Variants in CLYBL observed in about 807,000 individuals in gnomAD.
CLYBL encodes citramalyl-CoA lyase, mitochondrial.
CLYBL carries 31 observed loss-of-function variants against 38.9 expected under a neutral mutation model. That is an observed-to-expected ratio of 0.80 (90% CI 0.60 to 1.08). The LOEUF (loss-of-function observed/expected upper bound fraction) is 1.08. Among genes scored for constraint, CLYBL ranks in the 50% least tolerant of loss-of-function variants. The probability of loss-of-function intolerance (pLI) is 0.00; values close to 1 mark genes in which losing one functional copy is unlikely to be tolerated. For synonymous variants in CLYBL, 171 were observed against 158.6 expected (o/e 1.08, Z -0.59); for missense variants, 434 against 411.6 (o/e 1.05, Z -0.47).
At chr13:99,825,726 T>C (rs1410132639) in intron 2 of CLYBL, among the ~76,000 whole-genome samples, 1 of 152,138 alleles carries the variant, frequency 6.6e-6, no homozygotes, top group African/African-American at 2.4e-5. Context: ...TCTGAGAATG[T>C]GGTGAGGGAG....
At chr13:99,657,893 G>A (rs1014664343) in intron 1 of CLYBL, among the ~76,000 whole-genome samples, 2 of 152,192 alleles carry the variant, frequency 1.3e-5, no homozygotes, top group Non-Finnish European at 2.9e-5. Flanking sequence ...CTTTTCCCAG[G>A]AACAGAAGCC....
intron 1 of CLYBL, among the ~76,000 whole-genome samples, chr13:99,654,788 G>A (rs555902252): frequency 1.1e-4 from 16 of 152,218 alleles, no homozygotes; most frequent in Admixed American, 2.0e-4. Flanking sequence ...GGCTGATCAC[G>A]AGGTCAGGAG....
chr13:99,720,269 T>C (rs1423615487), intron 1 of CLYBL, among the ~76,000 whole-genome samples: 4 of 152,224 alleles, frequency 2.6e-5, no homozygotes, highest in Non-Finnish European at 4.4e-5. Context: ...TCTGCTCTCC[T>C]TCTGATCAAA....
At chr13:99,685,982 CAT>C (rs2047811717) in intron 1 of CLYBL, among the ~76,000 whole-genome samples, 1 of 152,036 alleles carries the variant, frequency 6.6e-6, no homozygotes, top group African/African-American at 2.4e-5. Context: ...AAAAGAATCT[CAT>C]AGACATTTTT....
intron 1 of CLYBL, among the ~76,000 whole-genome samples, chr13:99,637,837 C>G (rs1473573024): frequency 2.0e-5 from 3 of 152,064 alleles, no homozygotes; most frequent in African/African-American, 7.2e-5. Flanking sequence ...TATCCGTATA[C>G]ATACATCCAT....
chr13:99,890,072 C>T (rs905285209), intron 7 of CLYBL, among the ~76,000 whole-genome samples: 1 of 152,184 alleles, frequency 6.6e-6, no homozygotes, highest in African/African-American at 2.4e-5. Flanking sequence ...CACAAATAAC[C>T]AGACATTAAC....
At chr13:99,628,852 T>G (rs2046904664) in intron 1 of CLYBL, among the ~76,000 whole-genome samples, 1 of 152,240 alleles carries the variant, frequency 6.6e-6, no homozygotes, top group South Asian at 2.1e-4. Context: ...ATTGTTATTT[T>G]CTGTTTCTGC....
intron 1 of CLYBL, among the ~76,000 whole-genome samples, chr13:99,616,972 G>GTAATAATAATAATAT (rs2046721274): frequency 6.6e-6 from 1 of 151,342 alleles, no homozygotes; most frequent in Non-Finnish European, 1.5e-5. Context: ...AATAATAATA[G>GTAATAATAATAATAT]TAATAATAAT....
intron 2 of CLYBL, among the ~76,000 whole-genome samples, chr13:99,811,097 C>T (rs962991631): frequency 5.9e-5 from 9 of 152,138 alleles, no homozygotes; most frequent in Non-Finnish European, 1.0e-4. Flanking sequence ...CCCATTAGAA[C>T]CCCCAAAGTG....
At chr13:99,747,956 T>C (rs2048883569) in intron 1 of CLYBL, among the ~76,000 whole-genome samples, 1 of 152,190 alleles carries the variant, frequency 6.6e-6, no homozygotes, top group South Asian at 2.1e-4. Context: ...ATACATAACA[T>C]AAAATGTTAA....
At chr13:99,840,507 C>T (rs1045196533) in intron 2 of CLYBL, among the ~76,000 whole-genome samples, 3 of 151,798 alleles carry the variant, frequency 2.0e-5, no homozygotes, top group African/African-American at 7.3e-5. Context: ...CCTGTAATCC[C>T]AGCACTTTGG....
At chr13:99,682,278 G>C (rs911903342) in intron 1 of CLYBL, among the ~76,000 whole-genome samples, 1 of 151,962 alleles carries the variant, frequency 6.6e-6, no homozygotes, top group African/African-American at 2.4e-5. Flanking sequence ...TGAGTAGCTG[G>C]GACTACATGC....
At chr13:99,899,263 T>C (rs1485583140), downstream of CLYBL, among the ~76,000 whole-genome samples, 1 of 152,096 alleles carries the variant, frequency 6.6e-6, no homozygotes, top group Non-Finnish European at 1.5e-5. Flanking sequence ...CCCCCACCAT[T>C]TTGGCCAGAG....
intron 7 of CLYBL, among the ~76,000 whole-genome samples, chr13:99,877,138 G>A (rs2052063322): frequency 1.3e-5 from 2 of 152,146 alleles, no homozygotes; most frequent in South Asian, 4.2e-4. Flanking sequence ...TTGGCAGAGA[G>A]GCCATATTTA....
chr13:99,811,105 G>A (rs1184983266), intron 2 of CLYBL, among the ~76,000 whole-genome samples: 2 of 152,122 alleles, frequency 1.3e-5, no homozygotes, highest in African/African-American at 2.4e-5. Context: ...AACCCCCAAA[G>A]TGACCTGATT....
rs569226444 is a variant in CLYBL, at chr13:99,866,805, G to T, written c.802+398G>T. Among the ~76,000 whole-genome samples, 18 of 151,414 alleles carry T rather than the reference G, an allele frequency of 1.2e-4. No individual in the cohort carries two copies. The East Asian group carries it at 2.1e-3, about 18-fold the overall frequency. ...AATATCCAAAATTTAATTCATTTCTGAAAAAAAATGTTGGTGATATTGTCT... is the reference window on the plus strand; with the variant it reads ...AATATCCAAAATTTAATTCATTTCTTAAAAAAAATGTTGGTGATATTGTCT... On this transcript the variant is annotated intron_variant, in intron 6 of 8. Transcript: ENST00000339105.
intron 1 of CLYBL, among the ~76,000 whole-genome samples, chr13:99,748,429 GTTTTTTTTTTTTTTT>G (rs1165919560): frequency 5.7e-5 from 5 of 87,692 alleles, no homozygotes; most frequent in Non-Finnish European, 1.0e-4. Flanking sequence ...CTAGTTTTGT[GTTTTTTTTTTTTTTT>G]TTTTTTTTTT....
chr13:99,781,940 CT>C (rs764984916), intron 2 of CLYBL, among the ~76,000 whole-genome samples: 4 of 152,224 alleles, frequency 2.6e-5, no homozygotes, highest in Non-Finnish European at 5.9e-5. Context: ...CCTTGGAAAA[CT>C]TTAAATCCAG....
intron 2 of CLYBL, among the ~76,000 whole-genome samples, chr13:99,842,020 GT>G (rs2139127260): frequency 6.6e-6 from 1 of 151,994 alleles, no homozygotes; most frequent in Admixed American, 6.5e-5. Context: ...GTTTCACCAT[GT>G]TGACCAGGCT....
Sources: gnomAD v4.1 joint callset for allele counts (sites outside exome capture counted in the v4.1 genomes callset) on GRCh38, gnomAD v4.1.1 for gene constraint, MANE v1.5 for transcripts, NCBI Gene and HGNC (gene_info 2026-07-23, HGNC 2026-07-21) for gene names.